The following PUM1 variants were observed in gnomAD, a reference collection of about 807,000 sequenced individuals.
The protein encoded by PUM1 is pumilio homolog 1.
Under a neutral mutation model 131.8 loss-of-function variants are expected in PUM1, and 13 were observed. That is an observed-to-expected ratio of 0.10 (90% CI 0.06 to 0.16). The LOEUF (loss-of-function observed/expected upper bound fraction) is 0.16, where lower values mean the gene tolerates loss of function less well. PUM1 is among the 10% of genes least tolerant of loss of function. The pLI is 1.00. For missense variants in PUM1, 961 were observed against 1,512.4 expected, an observed-to-expected ratio of 0.64 and a Z score of 6.05; for synonymous variants, 509 against 556.5, an observed-to-expected ratio of 0.91 and a Z score of 1.20.
chr1:30,946,336 A>AT (rs201776259), intron 17 of PUM1, among the ~76,000 whole-genome samples: 6,461 of 138,986 alleles, frequency 0.046, 190 homozygotes, highest in South Asian at 0.09. Flanking sequence ...AGAGCCTATA[A>AT]TTAAAAAAAA....
chr1:30,996,383 A>C (rs901661737), intron 5 of PUM1, among the ~76,000 whole-genome samples: 3 of 152,158 alleles, frequency 2.0e-5, no homozygotes, highest in Non-Finnish European at 4.4e-5. Flanking sequence ...AGCAGCAGAC[A>C]CTCGGTTATA....
chr1:30,965,393 C>T (rs2124438976), intron 13 of PUM1, among the ~76,000 whole-genome samples: 2 of 152,306 alleles, frequency 1.3e-5, no homozygotes, highest in South Asian at 4.1e-4. Context: ...TACTTTCTTT[C>T]ACACATGCCC....
At chr1:30,978,920 G>A (rs750092729) in intron 9 of PUM1, among the ~76,000 whole-genome samples, 5 of 152,052 alleles carry the variant, frequency 3.3e-5, no homozygotes, top group Non-Finnish European at 7.4e-5. Context: ...CCTAGGCAAC[G>A]CTGGCGAGAC....
At chr1:31,025,444 C>A (rs1351847030) in intron 3 of PUM1, among the ~76,000 whole-genome samples, 1 of 151,666 alleles carries the variant, frequency 6.6e-6, no homozygotes, top group African/African-American at 2.4e-5. Context: ...CACACATCCA[C>A]AAAGAAACCA....
At chr1:31,014,725 G>A (rs1642749678) in intron 3 of PUM1, among the ~76,000 whole-genome samples, 1 of 151,612 alleles carries the variant, frequency 6.6e-6, no homozygotes, top group Non-Finnish European at 1.5e-5. Context: ...GGAGGCGGAG[G>A]TTACAGTGAG....
At chr1:30,939,720 T>C (rs1341520104) in intron 20 of PUM1, among the ~76,000 whole-genome samples, 2 of 152,166 alleles carry the variant, frequency 1.3e-5, no homozygotes, top group African/African-American at 4.8e-5. Flanking sequence ...TAGCTGGACA[T>C]GGTGGTGTGC....
chr1:30,933,997 C>T (rs888657141), intron 21 of PUM1, among the ~76,000 whole-genome samples: 2 of 152,188 alleles, frequency 1.3e-5, no homozygotes, highest in African/African-American at 4.8e-5. Flanking sequence ...TAGCTGAGCC[C>T]AAACTGTGTG....
intron 3 of PUM1, among the ~76,000 whole-genome samples, chr1:31,018,149 A>G (rs916636108): frequency 2.0e-5 from 3 of 151,838 alleles, no homozygotes; most frequent in Non-Finnish European, 4.4e-5. Context: ...CAGGAGTTCA[A>G]GACCAGCCTG....
At chr1:30,985,019 T>C (rs1056813261) in intron 7 of PUM1, among the ~76,000 whole-genome samples, 5 of 152,194 alleles carry the variant, frequency 3.3e-5, no homozygotes, top group Non-Finnish European at 7.3e-5. Flanking sequence ...TTAAGAGCAC[T>C]GACTCTGGAG....
At chr1:31,001,939 T>G (rs1642231946) in intron 5 of PUM1, among the ~76,000 whole-genome samples, 1 of 152,236 alleles carries the variant, frequency 6.6e-6, no homozygotes, top group South Asian at 2.1e-4. Context: ...AGATTTTGAT[T>G]CATTCGCTCT....
chr1:30,981,577 T>C (rs557849851), intron 7 of PUM1, among the ~76,000 whole-genome samples, 172 bp from the exon 8 acceptor site: 14 of 152,314 alleles, frequency 9.2e-5, no homozygotes, highest in African/African-American at 3.4e-4. Flanking sequence ...CATACTTCTG[T>C]TCTCCCTGTC....
At chr1:31,060,254 A>T (rs989102989) in intron 1 of PUM1, among the ~76,000 whole-genome samples, 1 of 150,634 alleles carries the variant, frequency 6.6e-6, no homozygotes, top group Non-Finnish European at 1.5e-5. Flanking sequence ...TGACGTCAGG[A>T]GTTCAAGACC....
intron 3 of PUM1, among the ~76,000 whole-genome samples, chr1:31,009,151 C>A (rs1642502892): frequency 6.6e-6 from 1 of 151,618 alleles, no homozygotes; most frequent in African/African-American, 2.4e-5. Flanking sequence ...CCACTGAACT[C>A]CAGCCTGGGC....
rs765043109 is a variant in PUM1, at chr1:30,992,427, G to A, written c.1121C>T (p.Ala374Val). 1.7e-5 allele frequency: 27 copies of A among 1,614,064 alleles called. No homozygotes were observed. Among genetic ancestry groups the A allele is most frequent in the Non-Finnish European group, 1.8e-5 (21 of 1,180,016 alleles). ...GTQVPVDSAA[A>V]TVGLFDYNSQ... The stretch of plus-strand genomic sequence containing the variant: ...ATTGTAGTCAAAAAGTCCCACAGTT[G>A]CTGCTGCTGAGTCCACAGGTACCTG... The change falls in exon 7 of 22, where the codon GCA becomes GTA. Residue 374 changes from alanine to valine, a missense_variant. By Grantham distance (64) the Ala-to-Val change is moderately conservative. Transcript: ENST00000426105.
In PUM1 at chr1:30,966,034, G is replaced by C; in HGVS notation, c.2034C>G (p.Ser678Arg). Reference protein sequence around the residue: ...PANTSLGFGSSSSLGATLGSA... With the variant: ...PANTSLGFGSRSSLGATLGSA... The stretch of plus-strand genomic sequence containing the variant: ...ATCCCAGGGTGGCGCCGAGAGAACT[G>C]CTACTTCCGAATCCCAAGGATGTGT... Residue 678 changes from serine to arginine, a missense_variant, in exon 13 of 22, where the codon AGC (serine) becomes AGG (arginine). Physicochemically the swap from Ser to Arg is moderately radical, Grantham distance 110. Transcript: ENST00000426105. 6.2e-7 allele frequency: 1 copy of C among 1,614,204 alleles called. No homozygotes were observed. Among genetic ancestry groups the C allele is most frequent in the African/African-American group, 1.3e-5 (1 of 75,058 alleles).
chr1:31,054,051 G>A lies in PUM1; in HGVS notation c.363+5153C>T, dbSNP rs113107186. ...GGAGGTTGCAGTGAGCTGAGATCGC[G>A]TCACTGCACTCCAGCCTGGACTACA... On this transcript the variant is annotated intron_variant, in intron 2 of 21. Coordinates refer to ENST00000426105, the MANE Select transcript of PUM1 (RefSeq NM_001020658.2). Among the ~76,000 whole-genome samples, 18 of 133,014 alleles carry A rather than the reference G, an allele frequency of 1.4e-4. No individual in the cohort carries two copies. In the East Asian group the frequency reaches 1.8e-3, roughly 13 times the overall value. 87.3% of individuals were successfully genotyped at this position (133,014 alleles called of 152,430 possible).
intron 14 of PUM1, among the ~76,000 whole-genome samples, chr1:30,961,654 CA>C (rs1196861466): frequency 6.6e-6 from 1 of 152,034 alleles, no homozygotes; most frequent in Non-Finnish European, 1.5e-5. Flanking sequence ...AATTACTAAA[CA>C]GGTCACTGAT....
chr1:31,053,114 G>C (rs187326697), intron 2 of PUM1, among the ~76,000 whole-genome samples: 1 of 150,684 alleles, frequency 6.6e-6, no homozygotes, highest in East Asian at 2.0e-4. Context: ...CGATTCAAGC[G>C]ATTTTCCTGC....
rs116409690 is a variant in PUM1, at chr1:30,990,894, T to C, written c.1158+1496A>G. On this transcript the variant is annotated intron_variant, in intron 7 of 21. Coordinates refer to ENST00000426105, the MANE Select transcript of PUM1 (RefSeq NM_001020658.2). ...GAGGGCACCCTTGGTTTTATATTTT[T>C]GAATAAGTGGTAGCTATGATGTAAT... Among the ~76,000 whole-genome samples the C allele has an allele frequency of 8.9e-3, 1,351 of 152,330 alleles. 15 individuals carry two copies. The highest frequency in any genetic ancestry group is 0.03 in the African/African-American group (1,252 of 41,564).
Sources: gnomAD v4.1 joint callset for allele counts (sites outside exome capture counted in the v4.1 genomes callset) on GRCh38, gnomAD v4.1.1 for gene constraint, MANE v1.5 for transcripts, NCBI Gene and HGNC (gene_info 2026-07-23, HGNC 2026-07-21) for gene names.